XKR6: variants seen among roughly 807,000 people sequenced by gnomAD.
XKR6 encodes XK related 6.
Under a neutral mutation model 56.7 loss-of-function variants are expected in XKR6, and 22 were observed. The ratio of observed to expected loss-of-function variants is 0.39; its 90% CI spans 0.28 to 0.55. XKR6 has a LOEUF of 0.55. Among genes scored for constraint, XKR6 ranks in the 20% least tolerant of loss-of-function variants. The probability of loss-of-function intolerance (pLI) is 0.66; values close to 1 mark genes in which losing one functional copy is unlikely to be tolerated. For synonymous variants in XKR6, 524 were observed against 387.8 expected, an observed-to-expected ratio of 1.35 and a Z score of -4.13; for missense variants, 852 against 889.0, an observed-to-expected ratio of 0.96 and a Z score of 0.53.
chr8:11,064,017 A>T (rs1799914691), intron 1 of XKR6, among the ~76,000 whole-genome samples: 1 of 152,056 alleles, frequency 6.6e-6, no homozygotes, highest in Admixed American at 6.6e-5. Flanking sequence ...CAACCTTCCG[A>T]AGTTCTCTTC....
chr8:11,066,585 A>G (rs900228323), intron 1 of XKR6, among the ~76,000 whole-genome samples: 2 of 152,220 alleles, frequency 1.3e-5, no homozygotes, highest in African/African-American at 2.4e-5. Flanking sequence ...CAATCAAGAC[A>G]GCCCCAGTCC....
chr8:11,132,767 G>GCACACACACACACACACA (rs149748655), intron 1 of XKR6, among the ~76,000 whole-genome samples: 1 of 138,192 alleles, frequency 7.2e-6, no homozygotes, highest in African/African-American at 2.9e-5. Context: ...ACACACGCAC[G>GCACACACACACACACACA]CACACACACA....
At chr8:11,130,198 T>C (rs1323208694) in intron 1 of XKR6, among the ~76,000 whole-genome samples, 4 of 152,136 alleles carry the variant, frequency 2.6e-5, no homozygotes, top group African/African-American at 9.7e-5. Flanking sequence ...TGTGTATGTA[T>C]TTAGGGTTAA....
At chr8:11,196,782 C>T (rs1405774939) in intron 1 of XKR6, among the ~76,000 whole-genome samples, 1 of 152,214 alleles carries the variant, frequency 6.6e-6, no homozygotes, top group Non-Finnish European at 1.5e-5. Flanking sequence ...AGTGCCTCGG[C>T]CTTTCTATTT....
In XKR6 at chr8:11,200,665, G is replaced by A; in HGVS notation, c.675C>T (p.Ser225=). Residue 225 remains serine, a synonymous_variant, in exon 1 of 3, where the codon TCC becomes TCT. Transcript: ENST00000416569. The surrounding 1 kb of genome is among the most constrained non-coding windows in gnomAD (Gnocchi z 6.4). ...ACAGGCGCTGCGCCCCCGGCGTGGG[G>A]GAGACCCTCACGCCTGGGCCACCGC... ...AARGGPGVRV[S]PTPGAQRLCR... is the part of the protein sequence containing the mutation. 1 of 1,561,436 alleles carries A rather than the reference G, an allele frequency of 6.4e-7. No homozygotes were observed. Among genetic ancestry groups the A allele is most frequent in the Non-Finnish European group, 8.6e-7 (1 of 1,164,180 alleles).
intron 1 of XKR6, chr8:11,105,917 T>C (rs1798658150): frequency 6.6e-6 from 1 of 152,222 alleles, no homozygotes; most frequent in Non-Finnish European, 1.5e-5. Context: ...AAAAATAGTA[T>C]CATGCTTTAA....
At chr8:10,905,526 T>C (rs1800162336) in intron 2 of XKR6, among the ~76,000 whole-genome samples, 2 of 152,202 alleles carry the variant, frequency 1.3e-5, no homozygotes, top group Admixed American at 1.3e-4. Flanking sequence ...GACATTTGCA[T>C]GCTCACCTAA....
chr8:10,945,655 A>G (rs1801512610), intron 1 of XKR6, among the ~76,000 whole-genome samples: 1 of 152,164 alleles, frequency 6.6e-6, no homozygotes, highest in African/African-American at 2.4e-5. Flanking sequence ...CCTGGTACTT[A>G]CGGGCATTTG....
intron 2 of XKR6, among the ~76,000 whole-genome samples, chr8:10,924,353 G>C (rs1800811427): frequency 6.6e-6 from 1 of 152,390 alleles, no homozygotes; most frequent in Non-Finnish European, 1.5e-5. Flanking sequence ...CCCTGATGGG[G>C]AGACCCAGAG....
chr8:11,161,871 G>A (rs1417865205), intron 1 of XKR6, among the ~76,000 whole-genome samples: 1 of 152,158 alleles, frequency 6.6e-6, no homozygotes, highest in Admixed American at 6.5e-5. Context: ...GGAAATGAAA[G>A]AAGGGTTAGC....
chr8:10,938,555 G>A (rs1801297418), intron 1 of XKR6, among the ~76,000 whole-genome samples: 1 of 152,202 alleles, frequency 6.6e-6, no homozygotes, highest in Non-Finnish European at 1.5e-5. Context: ...ACAACAACCT[G>A]GATGAATCTC....
intron 1 of XKR6, among the ~76,000 whole-genome samples, chr8:11,158,986 G>C (rs961226970): frequency 2.0e-5 from 3 of 152,284 alleles, no homozygotes; most frequent in African/African-American, 7.2e-5. Context: ...TAAAAGTGTG[G>C]CTTGTGAGGC....
intron 1 of XKR6, among the ~76,000 whole-genome samples, chr8:11,050,873 C>A (rs1399475980): frequency 1.3e-5 from 2 of 152,172 alleles, no homozygotes; most frequent in African/African-American, 4.8e-5. Flanking sequence ...CCTGCACCAC[C>A]CACTCTTCTC....
chr8:10,967,457 G>A (rs1586367581), intron 1 of XKR6, among the ~76,000 whole-genome samples: 1 of 152,316 alleles, frequency 6.6e-6, no homozygotes, highest in East Asian at 1.9e-4. Context: ...AGCTGGAAAG[G>A]CTGGGGCTGC....
intron 1 of XKR6, among the ~76,000 whole-genome samples, chr8:11,078,579 G>C (rs1197182164): frequency 6.6e-6 from 1 of 152,212 alleles, no homozygotes; most frequent in East Asian, 1.9e-4. Flanking sequence ...GTGCAATGGG[G>C]TGTGAGAGTG....
At chr8:10,960,853 C>T (rs996652424) in intron 1 of XKR6, among the ~76,000 whole-genome samples, 1 of 152,184 alleles carries the variant, frequency 6.6e-6, no homozygotes, top group Non-Finnish European at 1.5e-5. Flanking sequence ...CTTGGGAGAT[C>T]GCTTGCATTC....
At chr8:11,045,075 CTTTTTTTTTTTTTTTT>C (rs5889356) in intron 1 of XKR6, among the ~76,000 whole-genome samples, 4 of 36,036 alleles carry the variant, frequency 1.1e-4, no homozygotes, top group African/African-American at 2.0e-4. Flanking sequence ...TCAAATCACT[CTTTTTTTTTTTTTTTT>C]TTTTTTTTTT....
At chr8:11,022,084 T>C (rs1426833603) in intron 1 of XKR6, among the ~76,000 whole-genome samples, 6 of 149,600 alleles carry the variant, frequency 4.0e-5, no homozygotes. Context: ...TTTTCAGAAA[T>C]ATAACCAAAG....
rs181741004 is a variant in XKR6 at position 11,045,819 on chromosome 8, A to G, written c.765-120989T>C. Reference sequence around the variant, plus strand: ...TGGGGGTTACCACAAGGAAAATGGAAGAAAGTAAACGTTTACTGTGTCTCA... The same window carrying G: ...TGGGGGTTACCACAAGGAAAATGGAGGAAAGTAAACGTTTACTGTGTCTCA... On this transcript the variant is annotated intron_variant, in intron 1 of 2. Transcript: ENST00000416569. Among the ~76,000 whole-genome samples the G allele has an allele frequency of 1.6e-3, 250 of 152,376 alleles. 3 individuals are homozygous for G. The highest frequency in any genetic ancestry group is 5.8e-3 in the African/African-American group (242 of 41,586).
Sources: gnomAD v4.1 joint callset for allele counts (sites outside exome capture counted in the v4.1 genomes callset) on GRCh38, gnomAD v4.1.1 for gene constraint, Gnocchi (gnomAD v3.1) non-coding constraint, MANE v1.5 for transcripts, NCBI Gene and HGNC (gene_info 2026-07-23, HGNC 2026-07-21) for gene names.